The following SLC4A5 variants were observed in gnomAD, a reference collection of about 807,000 sequenced individuals.
The protein encoded by SLC4A5 is solute carrier family 4 member 5.
In SLC4A5, 96 loss-of-function variants were observed where a neutral mutation model predicts 120.4. The ratio of observed to expected loss-of-function variants is 0.80; its 90% CI spans 0.68 to 0.94. The LOEUF (loss-of-function observed/expected upper bound fraction) is 0.94, where lower values mean the gene tolerates loss of function less well. SLC4A5 is among the 40% of genes least tolerant of loss of function. The probability of loss-of-function intolerance (pLI) is 0.00; values close to 1 mark genes in which losing one functional copy is unlikely to be tolerated. For synonymous variants in SLC4A5, 550 were observed against 571.1 expected (o/e 0.96, Z 0.53); for missense variants, 1,259 against 1,459.5 (o/e 0.86, Z 2.24).
chr2:74,274,382 C>T (rs189401032), intron 8 of SLC4A5, among the ~76,000 whole-genome samples: 211 of 152,032 alleles, frequency 1.4e-3, no homozygotes, highest in African/African-American at 4.9e-3. Flanking sequence ...CATAAAATCA[C>T]ATGCATGAAA....
At chr2:74,272,808 G>A (rs1308027470) in intron 8 of SLC4A5, among the ~76,000 whole-genome samples, 1 of 152,224 alleles carries the variant, frequency 6.6e-6, no homozygotes, top group African/African-American at 2.4e-5. Flanking sequence ...ACAAGAGCAG[G>A]AGAAAGCATC....
rs553536403 is a variant in SLC4A5, at chr2:74,294,665, C to T, written c.272-8763G>A. Among the ~76,000 whole-genome samples the T allele has an allele frequency of 6.0e-5, 9 of 149,592 alleles. No individual in the cohort carries two copies. In the South Asian group the frequency reaches 1.3e-3, roughly 21 times the overall value. The stretch of plus-strand genomic sequence containing the variant: ...AAAGGAGAGAAGAAAATTTAAAGGC[C>T]TCTCAGTTTTTTGGATTTTTTTTTT... On this transcript the variant is annotated intron_variant, in intron 7 of 30. Transcript: ENST00000394019.
At chr2:74,277,861 C>T (rs150421511) in intron 8 of SLC4A5, among the ~76,000 whole-genome samples, 28 of 152,016 alleles carry the variant, frequency 1.8e-4, no homozygotes, top group Non-Finnish European at 3.8e-4. Flanking sequence ...AAGATGTGTA[C>T]TGAAATGTTT....
intron 24 of SLC4A5, 89 bp downstream of exon 24, chr2:74,232,380 C>T: frequency 6.7e-7 from 1 of 1,498,306 alleles, no homozygotes; most frequent in Non-Finnish European, 9.0e-7. Context: ...CCTTTTTGTC[C>T]AAATCCTTTT....
At chr2:74,219,320 C>T (rs1206443707) in intron 30 of SLC4A5, among the ~76,000 whole-genome samples, 9 of 151,918 alleles carry the variant, frequency 5.9e-5, no homozygotes, top group Non-Finnish European at 2.9e-5. Context: ...TCCAGTTTCC[C>T]TTTCTTAGAT....
rs909629372 is a variant in SLC4A5, at chr2:74,307,653, C to A, written c.80-2973G>T. ...ATGGCTCCAGTCTCTGACCTGGGGTCCCTTCTTCTCCAGGTGCTCCCGGAT... is the reference window on the plus strand; with the variant it reads ...ATGGCTCCAGTCTCTGACCTGGGGTACCTTCTTCTCCAGGTGCTCCCGGAT... On this transcript the variant is annotated intron_variant, in intron 6 of 30. Coordinates refer to ENST00000394019, the Ensembl canonical transcript of SLC4A5. 9.0e-6 allele frequency: 9 copies of A among 1,002,474 alleles called. No homozygotes were observed. The African/African-American group carries it at 1.3e-4, about 14-fold the overall frequency. 62.1% of individuals were successfully genotyped at this position (1,002,474 alleles called of 1,614,324 possible). A position where few individuals can be genotyped will look rare whatever the true frequency, so the allele number is the denominator to read the frequency against.
At chr2:74,223,962 T>C (rs974053848) in intron 28 of SLC4A5, among the ~76,000 whole-genome samples, 3 of 152,106 alleles carry the variant, frequency 2.0e-5, no homozygotes, top group Non-Finnish European at 2.9e-5. Context: ...GGACGTGAGT[T>C]TGGGTCAAAT....
chr2:74,320,761 C>A (rs1673075925), intron 5 of SLC4A5, among the ~76,000 whole-genome samples: 1 of 152,134 alleles, frequency 6.6e-6, no homozygotes, highest in South Asian at 2.1e-4. Context: ...AACCCTGCAG[C>A]AGTCCAGAGA....
At chr2:74,300,900 T>C (rs114477928) in intron 7 of SLC4A5, among the ~76,000 whole-genome samples, 3,846 of 152,280 alleles carry the variant, frequency 0.025, 57 homozygotes, top group Non-Finnish European at 0.036. Context: ...GGACCAGCAG[T>C]TACTTGGGCC....
At chr2:74,327,002 A>AC (rs1416506422) in intron 5 of SLC4A5, among the ~76,000 whole-genome samples, 1 of 151,984 alleles carries the variant, frequency 6.6e-6, no homozygotes, top group Non-Finnish European at 1.5e-5. Flanking sequence ...TTAGGTGCCC[A>AC]CCCCTTCCCT....
intron 8 of SLC4A5, among the ~76,000 whole-genome samples, chr2:74,279,851 C>T (rs1407156514): frequency 3.3e-5 from 5 of 152,196 alleles, no homozygotes; most frequent in Non-Finnish European, 1.5e-5. Context: ...TCTGTCCCCA[C>T]GTGCCATCTG....
At chr2:74,299,349 C>T (rs139667194) in intron 7 of SLC4A5, among the ~76,000 whole-genome samples, 193 of 152,272 alleles carry the variant, frequency 1.3e-3, no homozygotes, top group African/African-American at 4.5e-3. Context: ...GAAACTCCAT[C>T]TCAATAAATA....
chr2:74,247,827 T>C (rs111810398), intron 18 of SLC4A5, among the ~76,000 whole-genome samples: 3,914 of 152,278 alleles, frequency 0.026, 82 homozygotes, highest in Non-Finnish European at 0.041. Flanking sequence ...AAAAAAATTT[T>C]TTTTAAAGAT....
At chr2:74,238,009 G>A (rs1670322334) in intron 21 of SLC4A5, among the ~76,000 whole-genome samples, 1 of 152,126 alleles carries the variant, frequency 6.6e-6, no homozygotes, top group African/African-American at 2.4e-5. Context: ...GGCTGAGGCA[G>A]GAGAATCACT....
At chr2:74,225,089 C>T (rs1229169234) in intron 27 of SLC4A5, 94 bp from the exon 28 acceptor site, 31 of 1,262,208 alleles carry the variant, frequency 2.5e-5, no homozygotes, top group Non-Finnish European at 3.0e-5. Context: ...CTCCCTCAGT[C>T]GGCTGAGTTC....
chr2:74,232,393 G>A, intron 24 of SLC4A5, 76 bp downstream of exon 24: 1 of 1,529,586 alleles, frequency 6.5e-7, no homozygotes, highest in Non-Finnish European at 8.8e-7. Flanking sequence ...ATCCTTTTGT[G>A]GCAGGCAAAG....
intron 22 of SLC4A5, among the ~76,000 whole-genome samples, chr2:74,234,624 G>A (rs1281238931): frequency 6.6e-6 from 1 of 152,188 alleles, no homozygotes; most frequent in Admixed American, 6.5e-5. Context: ...CAGATTGCTG[G>A]TCCCACCCCC....
At chr2:74,287,476 T>C (rs997053119) in intron 7 of SLC4A5, among the ~76,000 whole-genome samples, 3 of 152,116 alleles carry the variant, frequency 2.0e-5, no homozygotes, top group African/African-American at 7.2e-5. Context: ...GGTAAGAGAA[T>C]GAAATGCCTG....
chr2:74,236,236 T>C (rs945086644), intron 21 of SLC4A5, among the ~76,000 whole-genome samples: 8 of 152,226 alleles, frequency 5.3e-5, no homozygotes, highest in African/African-American at 1.9e-4. Context: ...CATTTACTAA[T>C]TTAAGGGATT....
Sources: allele counts gnomAD v4.1 joint callset (sites outside exome capture counted in the v4.1 genomes callset), GRCh38; gene constraint gnomAD v4.1.1; transcripts MANE v1.5; gene names NCBI Gene and HGNC (gene_info 2026-07-23, HGNC 2026-07-21).